RPS6KA2: variants seen among roughly 807,000 people sequenced by gnomAD.
RPS6KA2 encodes ribosomal protein S6 kinase A2, also known as ribosomal protein S6 kinase alpha-2.
RPS6KA2 carries 42 observed loss-of-function variants against 91.8 expected under a neutral mutation model. The ratio of observed to expected loss-of-function variants is 0.46; its 90% CI spans 0.36 to 0.59. RPS6KA2 has a LOEUF of 0.59. Ranked by LOEUF, RPS6KA2 falls within the 20% of genes least tolerant of loss-of-function variation. The pLI is 0.00. For missense variants in RPS6KA2, 798 were observed against 978.5 expected (o/e 0.82, Z 2.46); for synonymous variants, 414 against 393.6 (o/e 1.05, Z -0.61).
intron 10 of RPS6KA2, among the ~76,000 whole-genome samples, chr6:166,470,424 C>A (rs189567524): frequency 1.7e-4 from 26 of 152,340 alleles, no homozygotes; most frequent in East Asian, 9.7e-4. Flanking sequence ...CACCTGGCCA[C>A]CCCTGAGCCT....
chr6:166,661,808 C>CT (rs1379436047), intron 2 of RPS6KA2, among the ~76,000 whole-genome samples: 2 of 151,970 alleles, frequency 1.3e-5, no homozygotes, highest in Non-Finnish European at 1.5e-5. Context: ...AGTATTTTGT[C>CT]TTTTTTTATA....
chr6:166,819,325 T>TATATA (rs2128622700), intron 2 of RPS6KA2, among the ~76,000 whole-genome samples: 1 of 152,312 alleles, frequency 6.6e-6, no homozygotes, highest in East Asian at 1.9e-4. Flanking sequence ...AAAGGTAGCA[T>TATATA]TACACATAAA....
chr6:166,531,380 G>C (rs1783269412), intron 2 of RPS6KA2, 67 bp from the exon 3 acceptor site: 1 of 1,189,992 alleles, frequency 8.4e-7, no homozygotes, highest in East Asian at 2.3e-5. Context: ...TATTGGATTT[G>C]ACAAGGGGAT....
intron 1 of RPS6KA2, among the ~76,000 whole-genome samples, chr6:166,585,628 T>C (rs1483994669): frequency 1.6e-5 from 1 of 63,576 alleles, no homozygotes; most frequent in African/African-American, 1.2e-4. Flanking sequence ...ACTTAACAAA[T>C]GCAAAAAAAA....
At chr6:166,740,055 T>C (rs11963307) in intron 2 of RPS6KA2, among the ~76,000 whole-genome samples, 5,068 of 152,330 alleles carry the variant, frequency 0.033, 258 homozygotes, top group African/African-American at 0.11. Context: ...AGGGCCCTGA[T>C]GTCCCAGTGG....
intron 2 of RPS6KA2, among the ~76,000 whole-genome samples, chr6:166,855,819 T>C (rs1001524382): frequency 2.6e-5 from 4 of 152,230 alleles, no homozygotes; most frequent in Non-Finnish European, 5.9e-5. Flanking sequence ...AATATCAAGA[T>C]TATAGTTCTG....
intron 2 of RPS6KA2, among the ~76,000 whole-genome samples, chr6:166,716,992 G>A (rs1790032169): frequency 6.6e-6 from 1 of 152,258 alleles, no homozygotes; most frequent in African/African-American, 2.4e-5. Context: ...CCTTGCTCAT[G>A]GCTGTGTAGG....
chr6:166,628,662 A>G (rs1037038212), upstream of RPS6KA2, among the ~76,000 whole-genome samples: 4 of 152,236 alleles, frequency 2.6e-5, no homozygotes, highest in African/African-American at 9.6e-5. Context: ...GGAGTTTAGC[A>G]CCACGACTCT....
At position 166,459,474 on chromosome 6, in the gene RPS6KA2, G is replaced by C; in HGVS notation, c.1050C>G (p.Pro350=). Reference sequence around the variant, plus strand: ...CTGTGGGCGTCCGCGCTGTGAACTCGGGGTCAAAGTGGAAGGTGTCCTCAG... The same window carrying C: ...CTGTGGGCGTCCGCGCTGTGAACTCCGGGTCAAAGTGGAAGGTGTCCTCAG... ...GRPEDTFHFD[P]EFTARTPTDS... is the part of the protein sequence containing the mutation. Residue 350 remains proline, a synonymous_variant, in exon 12 of 21, where the codon CCC becomes CCG. Coordinates refer to ENST00000265678, the MANE Select transcript of RPS6KA2 (RefSeq NM_021135.6). This position sits in a 1 kb window ranked among gnomAD's most constrained non-coding sequence, Gnocchi z 4.9. 13 of 1,613,988 alleles carry C rather than the reference G, an allele frequency of 8.1e-6. No individual in the cohort carries two copies. The highest frequency in any genetic ancestry group is 1.1e-5 in the Non-Finnish European group (13 of 1,179,900).
chr6:166,555,970 TG>T (rs1452983007), intron 1 of RPS6KA2, among the ~76,000 whole-genome samples: 1 of 152,086 alleles, frequency 6.6e-6, no homozygotes, highest in Non-Finnish European at 1.5e-5. Context: ...GTGGGGTATC[TG>T]GGGGAAAACA....
At chr6:166,513,206 G>A (rs188247012) in intron 3 of RPS6KA2, among the ~76,000 whole-genome samples, 145 of 152,326 alleles carry the variant, frequency 9.5e-4, no homozygotes, top group African/African-American at 3.3e-3. Context: ...GCTTGCCTTA[G>A]AGTCTAGACA....
chr6:166,529,868 C>T (rs1279021917), intron 3 of RPS6KA2, among the ~76,000 whole-genome samples: 1 of 152,226 alleles, frequency 6.6e-6, no homozygotes, highest in Non-Finnish European at 1.5e-5. Context: ...TCTGCATTTT[C>T]TTACCATTGG....
Position 166,740,543 on chromosome 6 carries a change from A to C in RPS6KA2, c.123+117657T>G, listed in dbSNP as rs188290429. Among the ~76,000 whole-genome samples the C allele has an allele frequency of 8.5e-4, 130 of 152,358 alleles. 2 individuals are homozygous for C. Among genetic ancestry groups the C allele is most frequent in the Non-Finnish European group, 1.5e-3 (105 of 68,032 alleles). On this transcript the variant is annotated intron_variant, in intron 2 of 21. Coordinates refer to the RPS6KA2 transcript ENST00000503859. ...AGAACAACCCAGTCTTTATGTTCTT[A>C]AGTGGGAATAGCTTCTTTAAAAAAT...
intron 3 of RPS6KA2, among the ~76,000 whole-genome samples, chr6:166,521,213 C>T (rs1161901980): frequency 6.6e-6 from 1 of 152,206 alleles, no homozygotes; most frequent in African/African-American, 2.4e-5. Flanking sequence ...ATTTCAAAGG[C>T]TGGGGTCCAG....
At chr6:166,592,201 G>A (rs137964949) in intron 1 of RPS6KA2, among the ~76,000 whole-genome samples, 98 of 152,288 alleles carry the variant, frequency 6.4e-4, no homozygotes, top group East Asian at 3.7e-3. Flanking sequence ...AAATAGTAGC[G>A]AGGGTCATGG....
At chr6:166,796,533 G>A (rs1296679061) in intron 2 of RPS6KA2, among the ~76,000 whole-genome samples, 1 of 152,160 alleles carries the variant, frequency 6.6e-6, no homozygotes, top group Non-Finnish European at 1.5e-5. Context: ...AGGTTGCAGT[G>A]AGCAGCGATG....
At chr6:166,482,894 T>C (rs1781282443) in intron 10 of RPS6KA2, among the ~76,000 whole-genome samples, 1 of 152,166 alleles carries the variant, frequency 6.6e-6, no homozygotes, top group South Asian at 2.1e-4. Flanking sequence ...CAGGACGCCC[T>C]CACCATAAAG....
At position 166,603,690 on chromosome 6, in the gene RPS6KA2, G is replaced by T. The variant is rs1439514197; in HGVS notation, c.99+23231C>A. Among the ~76,000 whole-genome samples the T allele has an allele frequency of 6.6e-6, 1 of 152,166 alleles. No homozygotes were observed. Among genetic ancestry groups the T allele is most frequent in the Admixed American group, 6.5e-5 (1 of 15,284 alleles). On this transcript the variant is annotated intron_variant, in intron 1 of 20. Transcript: ENST00000265678. The surrounding 1 kb of genome is among the most constrained non-coding windows in gnomAD (Gnocchi z 4.3). ...GCTGGCACATTCCGGGTGATCTAAG[G>T]CTCAAGTTAGACAAAGTTAACAGGC...
chr6:166,650,493 C>A (rs1787818896), intron 2 of RPS6KA2, among the ~76,000 whole-genome samples: 1 of 151,942 alleles, frequency 6.6e-6, no homozygotes, highest in Non-Finnish European at 1.5e-5. Context: ...ACGGCCATCA[C>A]TTTAAGCTGG....
Sources: allele counts gnomAD v4.1 joint callset (sites outside exome capture counted in the v4.1 genomes callset), GRCh38; gene constraint gnomAD v4.1.1; non-coding constraint Gnocchi (gnomAD v3.1); transcripts MANE v1.5; gene names NCBI Gene and HGNC (gene_info 2026-07-23, HGNC 2026-07-21).